GALNTL6: variants seen among roughly 807,000 people sequenced by gnomAD.
The protein encoded by GALNTL6 is polypeptide N-acetylgalactosaminyltransferase like 6.
In GALNTL6, 46 loss-of-function variants were observed where a neutral mutation model predicts 73.7. The ratio of observed to expected loss-of-function variants is 0.62; its 90% confidence interval spans 0.49 to 0.80. GALNTL6 has a LOEUF of 0.80. Among genes scored for constraint, GALNTL6 ranks in the 30% least tolerant of loss-of-function variants. The probability of loss-of-function intolerance (pLI) is 0.00; values close to 1 mark genes in which losing one functional copy is unlikely to be tolerated. For missense variants in GALNTL6, 604 were observed against 755.0 expected, an observed-to-expected ratio of 0.80 and a Z score of 2.34; for synonymous variants, 259 against 263.7, an observed-to-expected ratio of 0.98 and a Z score of 0.17.
chr4:172,348,685 G>T lies in GALNTL6; in HGVS notation c.549G>T (p.Glu183Asp). The change falls in exon 5 of 13, where the codon GAG becomes GAT. Residue 183 changes from glutamate to aspartate, a missense_variant. Physicochemically the swap from Glu to Asp is conservative, Grantham distance 45 (BLOSUM62 2). This residue lies in a region of GALNTL6 where 179 missense variants were observed against 230.8 expected (regional missense o/e 0.78). Transcript: ENST00000506823. ...AEIILVDDFSEREHLKDKLEE... is the reference protein window; with the variant it reads ...AEIILVDDFSDREHLKDKLEE... ...TCATTCTAGTAGATGACTTCAGTGAGAGAGGTAAGATACAGTTGATAACAT... is the reference window on the plus strand; with the variant it reads ...TCATTCTAGTAGATGACTTCAGTGATAGAGGTAAGATACAGTTGATAACAT... 1 of 1,603,534 alleles carries T rather than the reference G, an allele frequency of 6.2e-7. No homozygotes were observed. Among genetic ancestry groups the T allele is most frequent in the Non-Finnish European group, 8.5e-7 (1 of 1,172,980 alleles).
intron 2 of GALNTL6, among the ~76,000 whole-genome samples, chr4:172,033,516 G>T (rs924607648): frequency 3.9e-5 from 6 of 151,998 alleles, no homozygotes. Context: ...GATCCACAGA[G>T]CCATTGCTTC....
chr4:172,560,094 C>T (rs1003518319), intron 5 of GALNTL6, among the ~76,000 whole-genome samples: 1 of 152,084 alleles, frequency 6.6e-6, no homozygotes, highest in African/African-American at 2.4e-5. Context: ...AAGATGAAGT[C>T]ATTAAAAGTT....
chr4:172,645,974 C>T (rs1391616737), intron 5 of GALNTL6, among the ~76,000 whole-genome samples: 1 of 151,906 alleles, frequency 6.6e-6, no homozygotes, highest in Non-Finnish European at 1.5e-5. Flanking sequence ...GTCTTATGAC[C>T]AGTTTCAAGG....
At chr4:172,564,186 G>T (rs1333079195) in intron 5 of GALNTL6, among the ~76,000 whole-genome samples, 2 of 152,000 alleles carry the variant, frequency 1.3e-5, no homozygotes, top group Non-Finnish European at 2.9e-5. Flanking sequence ...CATTCTATTG[G>T]TAATCTATAC....
intron 3 of GALNTL6, among the ~76,000 whole-genome samples, chr4:172,243,985 T>C (rs1292313270): frequency 6.6e-6 from 1 of 152,130 alleles, no homozygotes; most frequent in Non-Finnish European, 1.5e-5. Context: ...AAAAATATTA[T>C]CTGGCACCCT....
At chr4:172,764,307 T>C (rs1738283715) in intron 5 of GALNTL6, among the ~76,000 whole-genome samples, 1 of 152,196 alleles carries the variant, frequency 6.6e-6, no homozygotes, top group Non-Finnish European at 1.5e-5. Flanking sequence ...TTACACAAGA[T>C]GAAAAAGTCA....
intron 3 of GALNTL6, among the ~76,000 whole-genome samples, chr4:172,263,977 T>A (rs1470290001): frequency 1.3e-5 from 2 of 151,610 alleles, no homozygotes; most frequent in Non-Finnish European, 3.0e-5. Flanking sequence ...TGTCTCCAGA[T>A]GTATCTTAGC....
At chr4:172,981,249 G>T (rs1751050610) in intron 10 of GALNTL6, among the ~76,000 whole-genome samples, 1 of 151,970 alleles carries the variant, frequency 6.6e-6, no homozygotes, top group Non-Finnish European at 1.5e-5. Flanking sequence ...GGTAATTCTG[G>T]GTTTAACTTT....
intron 7 of GALNTL6, among the ~76,000 whole-genome samples, chr4:172,851,212 G>A (rs1476143653): frequency 1.3e-5 from 2 of 151,968 alleles, no homozygotes; most frequent in African/African-American, 4.8e-5. Context: ...TAAAAGCTCT[G>A]TGTCAGATGC....
intron 4 of GALNTL6, among the ~76,000 whole-genome samples, chr4:172,321,110 G>A (rs1461474720): frequency 6.6e-6 from 1 of 152,058 alleles, no homozygotes; most frequent in Non-Finnish European, 1.5e-5. Flanking sequence ...CTCTTACTCT[G>A]CCAGATTTAT....
chr4:172,008,760 C>G (rs537938482), intron 2 of GALNTL6, among the ~76,000 whole-genome samples: 1 of 152,198 alleles, frequency 6.6e-6, no homozygotes, highest in South Asian at 2.1e-4. Context: ...GTTTTTCCAT[C>G]TATCCCTTCA....
At chr4:172,744,448 G>A (rs944601971) in intron 5 of GALNTL6, among the ~76,000 whole-genome samples, 36 of 152,162 alleles carry the variant, frequency 2.4e-4, no homozygotes, top group Admixed American at 1.2e-3. Flanking sequence ...CTTAAATCAA[G>A]GAGATACATG....
intron 5 of GALNTL6, among the ~76,000 whole-genome samples, chr4:172,387,502 T>A (rs1239201326): frequency 6.6e-6 from 1 of 152,186 alleles, no homozygotes; most frequent in African/African-American, 2.4e-5. Flanking sequence ...AGAAGTCAAC[T>A]GTTAATCTTA....
At chr4:172,115,118 T>C (rs1416598980) in intron 2 of GALNTL6, among the ~76,000 whole-genome samples, 1 of 152,142 alleles carries the variant, frequency 6.6e-6, no homozygotes, top group Admixed American at 6.6e-5. Flanking sequence ...TTTATTCTTC[T>C]TCCTTTTGAG....
intron 5 of GALNTL6, among the ~76,000 whole-genome samples, chr4:172,450,121 G>A (rs28649037): frequency 0.022 from 3,346 of 151,884 alleles, 110 homozygotes; most frequent in African/African-American, 0.075. Flanking sequence ...GGAGGCTGAG[G>A]CAGGAGAATT....
intron 5 of GALNTL6, among the ~76,000 whole-genome samples, chr4:172,453,561 G>C (rs1319675299): frequency 1.3e-5 from 2 of 152,138 alleles, no homozygotes; most frequent in East Asian, 3.9e-4. Flanking sequence ...ATACAACTCT[G>C]ATCAACAAGG....
chr4:171,865,089 T>G (rs1735935755), intron 2 of GALNTL6, among the ~76,000 whole-genome samples: 1 of 151,538 alleles, frequency 6.6e-6, no homozygotes, highest in Admixed American at 6.6e-5. Context: ...GAGATTGCCG[T>G]GAACCGAGAT....
chr4:172,155,161 C>A (rs1309185220), intron 2 of GALNTL6, among the ~76,000 whole-genome samples: 1 of 150,782 alleles, frequency 6.6e-6, no homozygotes, highest in Non-Finnish European at 1.5e-5. Context: ...CCACGCCCAG[C>A]TAAGTTTTGT....
At position 172,952,132 on chromosome 4, in the gene GALNTL6, C is replaced by T. The variant is rs1482046816; in HGVS notation, c.1245C>T (p.Ile415=). The change falls in exon 10 of 13, where the codon ATC becomes ATT. Residue 415 remains isoleucine (I), a synonymous_variant. Coordinates refer to ENST00000506823, the MANE Select transcript of GALNTL6 (RefSeq NM_001034845.3). ...ACAGGCATCTCTCCACGGGGGACAT[C>T]TCTGCCCAGAAGGAGCTGCGCAAGC... ...PEYRHLSTGD[I]SAQKELRKQL... is the part of the protein sequence containing the mutation. The T allele has an allele frequency of 8.7e-6, 14 of 1,613,990 alleles. No individual in the cohort carries two copies. In the African/African-American group the frequency reaches 9.3e-5, roughly 11 times the overall value.
Sources: gnomAD v4.1 joint callset for allele counts (sites outside exome capture counted in the v4.1 genomes callset) on GRCh38, gnomAD v4.1.1 for gene constraint, gnomAD v4.1.1 regional missense constraint, MANE v1.5 for transcripts, NCBI Gene and HGNC (gene_info 2026-07-23, HGNC 2026-07-21) for gene names.